MICAL2: variants seen among roughly 807,000 people sequenced by gnomAD.
MICAL2 encodes [F-actin]-monooxygenase MICAL2.
Under a neutral mutation model 127.3 loss-of-function variants are expected in MICAL2, and 77 were observed. That is an observed-to-expected ratio of 0.60 (90% CI 0.50 to 0.73). The LOEUF (loss-of-function observed/expected upper bound fraction) is 0.73, where lower values mean the gene tolerates loss of function less well. Ranked by LOEUF, MICAL2 falls within the 30% of genes least tolerant of loss-of-function variation. The pLI is 0.00. For missense variants in MICAL2, 1,351 were observed against 1,434.4 expected (o/e 0.94, Z 0.94); for synonymous variants, 570 against 551.1 (o/e 1.03, Z -0.48).
At chr11:12,115,331 C>T (rs1015041136) in intron 1 of MICAL2, among the ~76,000 whole-genome samples, 1 of 152,188 alleles carries the variant, frequency 6.6e-6, no homozygotes. Context: ...GGTTCTCTCA[C>T]CAGATGTCCT....
At chr11:12,329,455 A>G (rs1241079320) in intron 32 of MICAL2, among the ~76,000 whole-genome samples, 1 of 152,228 alleles carries the variant, frequency 6.6e-6, no homozygotes, top group Admixed American at 6.5e-5. Flanking sequence ...TGCCGCCAGC[A>G]ACACAGGCCA....
At chr11:12,294,289 C>T, downstream of MICAL2, 1 of 1,614,172 alleles carries the variant, frequency 6.2e-7, no homozygotes, top group Non-Finnish European at 8.5e-7. Flanking sequence ...CCCTCCTTTC[C>T]AACTCTGAAG....
chr11:12,314,482 A>AT (rs60902551), intron 29 of MICAL2, among the ~76,000 whole-genome samples: 26,272 of 147,512 alleles, frequency 0.18, 2,790 homozygotes, highest in East Asian at 0.34. Flanking sequence ...AGAAAACTCT[A>AT]TTTTTTTTTT....
At chr11:12,278,576 AG>A (rs1275173781) in intron 1 of MICAL2, among the ~76,000 whole-genome samples, 3 of 152,238 alleles carry the variant, frequency 2.0e-5, no homozygotes, top group South Asian at 4.1e-4. Context: ...TAAGTAGAAG[AG>A]TAACATCTCA....
intron 1 of MICAL2, among the ~76,000 whole-genome samples, chr11:12,133,965 T>A (rs866817917): frequency 6.6e-6 from 1 of 152,144 alleles, no homozygotes; most frequent in African/African-American, 2.4e-5. Flanking sequence ...ATGGGCTGTG[T>A]GAGGAAAAGA....
At chr11:12,343,721 C>T (rs762382395) in intron 32 of MICAL2, among the ~76,000 whole-genome samples, 5 of 152,054 alleles carry the variant, frequency 3.3e-5, no homozygotes, top group Admixed American at 6.6e-5. Flanking sequence ...TCTTTTGGAT[C>T]GAGAACAAGG....
chr11:12,154,635 A>G (rs1314652722), intron 2 of MICAL2, among the ~76,000 whole-genome samples: 3 of 152,196 alleles, frequency 2.0e-5, no homozygotes, highest in African/African-American at 7.2e-5. Context: ...TTCTGGATCC[A>G]TATCCTGCTC....
At chr11:12,121,254 C>T (rs1285609090) in intron 1 of MICAL2, among the ~76,000 whole-genome samples, 1 of 152,184 alleles carries the variant, frequency 6.6e-6, no homozygotes, top group African/African-American at 2.4e-5. Flanking sequence ...TCTCCTGACT[C>T]AAGGTCAATT....
chr11:12,161,867 C>A, intron 2 of MICAL2: 1 of 457,364 alleles, frequency 2.2e-6, no homozygotes, highest in South Asian at 2.3e-5. Context: ...AGGAGCAGAG[C>A]ATAGGGGAAG....
At chr11:12,179,717 G>T (rs1205601408) in intron 3 of MICAL2, among the ~76,000 whole-genome samples, 1 of 152,000 alleles carries the variant, frequency 6.6e-6, no homozygotes, top group Non-Finnish European at 1.5e-5. Context: ...CTAATTCTGC[G>T]TCCTGCTCTC....
chr11:12,343,524 A>C (rs1014695273), intron 32 of MICAL2, among the ~76,000 whole-genome samples: 1 of 152,116 alleles, frequency 6.6e-6, no homozygotes, highest in African/African-American at 2.4e-5. Context: ...AAGGGGAATC[A>C]GTGTGGCAGC....
chr11:12,245,076 C>T (rs888606554), intron 21 of MICAL2, among the ~76,000 whole-genome samples: 3 of 152,178 alleles, frequency 2.0e-5, no homozygotes, highest in Non-Finnish European at 2.9e-5. Flanking sequence ...CTCCTGTTAC[C>T]TCCTGTGCTG....
Position 12,147,950 on chromosome 11 carries a change from G to T in MICAL2, c.-78+9490G>T, listed in dbSNP as rs182780995. Among the ~76,000 whole-genome samples the T allele has an allele frequency of 5.1e-4, 78 of 152,358 alleles. 2 individuals are homozygous for T. Among genetic ancestry groups the T allele is most frequent in the Middle Eastern group, 3.4e-3 (1 of 294 alleles). On this transcript the variant is annotated intron_variant, in intron 2 of 27. Transcript: ENST00000683283. ...CGAATCTGCCCGACAGCCAGGTTTG[G>T]TGAGCTTAGGCATAGACTCTGAGTT...
intron 24 of MICAL2, among the ~76,000 whole-genome samples, chr11:12,269,885 G>A (rs899038553): frequency 2.0e-5 from 3 of 152,206 alleles, no homozygotes; most frequent in African/African-American, 7.2e-5. Flanking sequence ...CAGCAAGGCA[G>A]GACAGCCATG....
intron 3 of MICAL2, among the ~76,000 whole-genome samples, chr11:12,181,013 C>T (rs1012358932): frequency 5.4e-5 from 8 of 148,666 alleles, no homozygotes; most frequent in Non-Finnish European, 7.4e-5. Flanking sequence ...CTGGAATCTC[C>T]GCCCCGCCAC....
chr11:12,180,350 T>TATATATATATATATATATATATATATATA (rs1554968182), intron 3 of MICAL2, among the ~76,000 whole-genome samples: 8 of 104,138 alleles, frequency 7.7e-5, no homozygotes, highest in African/African-American at 2.1e-4. Flanking sequence ...TATGTATATA[T>TATATATATATATATATATATATATATATA]TTTTTTTTTG....
chr11:12,355,763 A>G (rs762891661), intron 34 of MICAL2, among the ~76,000 whole-genome samples: 3 of 152,234 alleles, frequency 2.0e-5, no homozygotes, highest in African/African-American at 4.8e-5. Context: ...AAGATTTAGG[A>G]ACAGATCACA....
intron 29 of MICAL2, among the ~76,000 whole-genome samples, chr11:12,298,595 T>G (rs1166126201): frequency 3.3e-5 from 5 of 152,312 alleles, no homozygotes; most frequent in Admixed American, 3.3e-4. Context: ...GCTGGTGTTT[T>G]TCCCAGTTAA....
chr11:12,304,669 C>T (rs923323952), intron 29 of MICAL2, among the ~76,000 whole-genome samples: 23 of 151,756 alleles, frequency 1.5e-4, no homozygotes, highest in East Asian at 7.8e-4. Flanking sequence ...CACACACACA[C>T]ACACACACAC....
Sources: allele counts gnomAD v4.1 joint callset (sites outside exome capture counted in the v4.1 genomes callset), GRCh38; gene constraint gnomAD v4.1.1; transcripts MANE v1.5; gene names NCBI Gene and HGNC (gene_info 2026-07-23, HGNC 2026-07-21).